The following SASH1 variants were observed in gnomAD, a reference collection of about 807,000 sequenced individuals.
The protein encoded by SASH1 is SAM and SH3 domain containing 1.
Under a neutral mutation model 125.2 loss-of-function variants are expected in SASH1, and 44 were observed. The ratio of observed to expected loss-of-function variants is 0.35; its 90% confidence interval spans 0.28 to 0.45. SASH1 has a LOEUF of 0.45. SASH1 is among the 20% of genes least tolerant of loss of function. The probability of loss-of-function intolerance (pLI) is 1.00; values close to 1 mark genes in which losing one functional copy is unlikely to be tolerated. For missense variants in SASH1, 1,426 were observed against 1,614.5 expected (o/e 0.88, Z 2.00); for synonymous variants, 639 against 649.1 (o/e 0.98, Z 0.24).
chr6:148,269,845 T>A (rs1779022203), upstream of SASH1, among the ~76,000 whole-genome samples: 1 of 152,192 alleles, frequency 6.6e-6, no homozygotes, highest in Non-Finnish European at 1.5e-5. Flanking sequence ...AGCTGATAAA[T>A]GAAAATAAAT....
intron 6 of SASH1, 90 bp downstream of exon 6, chr6:148,471,593 T>G: frequency 1.3e-6 from 1 of 786,052 alleles, no homozygotes; most frequent in Non-Finnish European, 2.2e-6. Flanking sequence ...TGCTATAAGT[T>G]AGCGTAACTC....
chr6:148,499,186 G>C (rs984045835), intron 8 of SASH1, among the ~76,000 whole-genome samples: 68 of 150,808 alleles, frequency 4.5e-4, no homozygotes, highest in African/African-American at 1.6e-3. Flanking sequence ...CATTTGGAAA[G>C]CAATATTTTA....
intron 1 of SASH1, among the ~76,000 whole-genome samples, chr6:148,381,469 G>A (rs1322853220): frequency 6.6e-6 from 1 of 152,012 alleles, no homozygotes; most frequent in African/African-American, 2.4e-5. Flanking sequence ...GAGGACCTTG[G>A]GGAATCATTG....
chr6:148,407,693 C>T (rs533542751), intron 2 of SASH1, among the ~76,000 whole-genome samples: 4 of 152,118 alleles, frequency 2.6e-5, no homozygotes, highest in African/African-American at 4.8e-5. Flanking sequence ...AGTGCAGTGG[C>T]GCAGTCTCGG....
intron 1 of SASH1, among the ~76,000 whole-genome samples, chr6:148,285,477 G>A (rs1311126707): frequency 2.0e-5 from 3 of 152,182 alleles, no homozygotes; most frequent in African/African-American, 7.2e-5. Flanking sequence ...CACTTTCTGG[G>A]ATAGTAGCTA....
Position 148,471,639 on chromosome 6 carries a change from C to T in SASH1, c.514+136C>T, listed in dbSNP as rs1461688377. 3 of 617,794 alleles carry T rather than the reference C, an allele frequency of 4.9e-6. No individual in the cohort carries two copies. In the African/African-American group the frequency reaches 5.9e-5, roughly 12 times the overall value. The allele number at this position is 617,794 out of a possible 1,614,324, so 38.3% of individuals were successfully genotyped here. ...CCCATAAGATGTTCAACTTTTCTGA[C>T]ATTTCTGTTATTACTTTAAGACTTT... On this transcript the variant is annotated intron_variant, in intron 6 of 19. Transcript: ENST00000367467.
intron 1 of SASH1, among the ~76,000 whole-genome samples, chr6:148,377,964 T>A (rs1409036482): frequency 2.6e-5 from 4 of 152,146 alleles, no homozygotes; most frequent in South Asian, 2.1e-4. Context: ...TTAACTACCT[T>A]ACTCTGGGTC....
At chr6:148,481,135 T>C (rs1316439836) in intron 7 of SASH1, among the ~76,000 whole-genome samples, 1 of 151,820 alleles carries the variant, frequency 6.6e-6, no homozygotes, top group African/African-American at 2.4e-5. Flanking sequence ...AAGGGAATAT[T>C]GCAGTAAAGT....
intron 8 of SASH1, among the ~76,000 whole-genome samples, chr6:148,503,776 A>G (rs1442554148): frequency 2.0e-5 from 3 of 149,474 alleles, no homozygotes; most frequent in African/African-American, 7.4e-5. Context: ...AAAAAAAAAG[A>G]AACATACAGA....
At chr6:148,347,478 TCCTAA>T (rs1781559067) in intron 1 of SASH1, among the ~76,000 whole-genome samples, 2 of 152,104 alleles carry the variant, frequency 1.3e-5, no homozygotes, top group African/African-American at 4.8e-5. Context: ...TTTACTCCAT[TCCTAA>T]AAAATTAACA....
chr6:148,508,586 C>A (rs1779937403), intron 8 of SASH1: 2 of 1,130,596 alleles, frequency 1.8e-6, no homozygotes, highest in Admixed American at 9.1e-5. Context: ...ATGACTTATG[C>A]CTTTCTTGCG....
In SASH1 at chr6:148,525,239, C is replaced by T. The variant is rs375238010; in HGVS notation, c.1210-52C>T. Reference sequence around the variant, plus strand: ...GGGGACTGCTGGGTTGGTGCACTGCCGGCTGGCTTAAGCATAACTGAAGTT... The same window carrying T: ...GGGGACTGCTGGGTTGGTGCACTGCTGGCTGGCTTAAGCATAACTGAAGTT... On this transcript the variant is annotated intron_variant, in intron 10 of 19. Transcript: ENST00000367467. The T allele has an allele frequency of 3.7e-4, 523 of 1,422,930 alleles. 1 individual carries two copies. Among genetic ancestry groups the T allele is most frequent in the South Asian group, 7.2e-4 (63 of 87,002 alleles). 88.1% of individuals were successfully genotyped at this position (1,422,930 alleles called of 1,614,324 possible).
At chr6:148,542,461 A>G (rs1181560389) in intron 17 of SASH1, among the ~76,000 whole-genome samples, 1 of 152,058 alleles carries the variant, frequency 6.6e-6, no homozygotes, top group Non-Finnish European at 1.5e-5. Context: ...ATCTTGGCTC[A>G]CTGCAAGGTC....
At chr6:148,521,093 A>G (rs1347985317) in intron 10 of SASH1, among the ~76,000 whole-genome samples, 2 of 152,240 alleles carry the variant, frequency 1.3e-5, no homozygotes, top group African/African-American at 4.8e-5. Flanking sequence ...CTGGATGATC[A>G]GAGACCTAGT....
In SASH1 at chr6:148,533,901, G is replaced by A. The variant is rs770362998; in HGVS notation, c.1865G>A (p.Arg622His). 8 of 1,613,880 alleles carry A rather than the reference G, an allele frequency of 5.0e-6. No homozygotes were observed. Among genetic ancestry groups the A allele is most frequent in the East Asian group, 2.2e-5 (1 of 44,876 alleles). ...VLSEDEEKPK[R>H]PTRRRRKGRP... ...AGTGAAGACGAGGAGAAACCCAAAC[G>A]CCCCACCAGGAGGCGTCGGAAAGGA... The change falls in exon 15 of 20, where the codon CGC becomes CAC. Residue 622 changes from arginine (R) to histidine (H), a missense_variant. Coordinates refer to ENST00000367467, the MANE Select transcript of SASH1 (RefSeq NM_015278.5). The surrounding 1 kb of genome is among the most constrained non-coding windows in gnomAD (Gnocchi z 6.2).
rs188844315 is a variant in SASH1, at chr6:148,411,113, C to T, written c.285+20851C>T. Among the ~76,000 whole-genome samples, 810 of 127,372 alleles carry T rather than the reference C, an allele frequency of 6.4e-3. 8 individuals are homozygous for T. The highest frequency in any genetic ancestry group is 0.023 in the African/African-American group (768 of 33,522). 83.6% of individuals were successfully genotyped at this position (127,372 alleles called of 152,430 possible). A position where few individuals can be genotyped will look rare whatever the true frequency, so the allele number is the denominator to read the frequency against. ...GGCAGAGGTTGCGGTGAGCTGAGAT[C>T]GTGCCACTGCACTCCAGCCTGAGTG... On this transcript the variant is annotated intron_variant, in intron 2 of 19. Coordinates refer to ENST00000367467, the MANE Select transcript of SASH1 (RefSeq NM_015278.5).
At chr6:148,542,726 T>C (rs1782295237) in intron 17 of SASH1, among the ~76,000 whole-genome samples, 1 of 152,224 alleles carries the variant, frequency 6.6e-6, no homozygotes. Context: ...CTGATGATCT[T>C]TATGTAACAA....
intron 8 of SASH1, among the ~76,000 whole-genome samples, chr6:148,492,609 G>A (rs991633752): frequency 3.9e-5 from 6 of 152,098 alleles, no homozygotes; most frequent in Non-Finnish European, 8.8e-5. Flanking sequence ...CCTGAGGTCA[G>A]GAGTTCAAGA....
intron 1 of SASH1, among the ~76,000 whole-genome samples, chr6:148,331,418 C>G (rs1405034782): frequency 6.6e-6 from 1 of 152,160 alleles, no homozygotes; most frequent in African/African-American, 2.4e-5. Flanking sequence ...CAACCTCTGC[C>G]TCCCGGGTTC....
Sources: allele counts gnomAD v4.1 joint callset (sites outside exome capture counted in the v4.1 genomes callset), GRCh38; gene constraint gnomAD v4.1.1; non-coding constraint Gnocchi (gnomAD v3.1); transcripts MANE v1.5; gene names NCBI Gene and HGNC (gene_info 2026-07-23, HGNC 2026-07-21).